The following LUZP2 variants were observed in gnomAD, a reference collection of about 807,000 sequenced individuals.
The protein encoded by LUZP2 is leucine zipper protein 2.
Under a neutral mutation model 51.6 loss-of-function variants are expected in LUZP2, and 52 were observed. The observed-to-expected ratio is 1.01, with a 90% CI of 0.81 to 1.27. The LOEUF (loss-of-function observed/expected upper bound fraction) is 1.27. Ranked by LOEUF, LUZP2 falls within the 50% of genes most tolerant of loss-of-function variation. The probability of loss-of-function intolerance (pLI) is 0.00; values close to 1 mark genes in which losing one functional copy is unlikely to be tolerated. For missense variants in LUZP2, 436 were observed against 395.4 expected (o/e 1.10, Z -0.87); for synonymous variants, 154 against 137.3 (o/e 1.12, Z -0.85).
rs181514094 is a variant in LUZP2 at position 24,701,323 on chromosome 11, C to T, written c.63-27846C>T. ...AGCTGAAAGGGCAGTAAAGGAATAA[C>T]TCAAGAGGAGATCTTCATGATTGTC... On this transcript the variant is annotated intron_variant, in intron 1 of 11. Transcript: ENST00000336930. 4.5e-3 allele frequency: 749 copies of T among 167,180 alleles called. 5 individuals carry two copies. Among genetic ancestry groups the T allele is most frequent in the Middle Eastern group, 0.017 (5 of 296 alleles). 10.4% of individuals were successfully genotyped at this position (167,180 alleles called of 1,614,324 possible).
At chr11:24,800,049 T>C (rs781617541) in intron 5 of LUZP2, among the ~76,000 whole-genome samples, 8 of 150,358 alleles carry the variant, frequency 5.3e-5, no homozygotes, top group Non-Finnish European at 1.0e-4. Context: ...TTTAATTACA[T>C]TTTAGAACAT....
intron 8 of LUZP2, among the ~76,000 whole-genome samples, chr11:24,978,510 C>A: frequency 6.6e-6 from 1 of 151,756 alleles, no homozygotes; most frequent in Middle Eastern, 3.4e-3. Context: ...GAATATTCTT[C>A]GTTATATTAA....
At chr11:24,574,800 C>T (rs941039770) in intron 1 of LUZP2, among the ~76,000 whole-genome samples, 3 of 151,954 alleles carry the variant, frequency 2.0e-5, no homozygotes, top group Non-Finnish European at 4.4e-5. Flanking sequence ...CGATGGCTTC[C>T]AAATTATTTG....
intron 1 of LUZP2, among the ~76,000 whole-genome samples, chr11:24,634,399 T>G (rs1231249793): frequency 6.6e-6 from 1 of 152,008 alleles, no homozygotes; most frequent in African/African-American, 2.4e-5. Context: ...ATCACAGAAT[T>G]GGTCCACATA....
intron 1 of LUZP2, among the ~76,000 whole-genome samples, chr11:24,536,824 G>C (rs1851193791): frequency 6.6e-6 from 1 of 151,828 alleles, no homozygotes; most frequent in East Asian, 1.9e-4. Context: ...CTAGGCTTTT[G>C]ACATGCCTTT....
chr11:24,796,139 A>G (rs1452039155), intron 5 of LUZP2, among the ~76,000 whole-genome samples: 2 of 152,148 alleles, frequency 1.3e-5, no homozygotes, highest in Non-Finnish European at 1.5e-5. Context: ...CTGAAGCACA[A>G]TTTGGTGAAT....
Position 24,983,137 on chromosome 11 carries a change from G to T in LUZP2, c.609G>T (p.Met203Ile). ...CTCTTTTTTTGTAGGAGTCACAGAT[G>T]AAAGCAATGAAAGAGACTGTGCAGC... ...EKAALDRESQ[M>I]KAMKETVQLC... Residue 203 changes from methionine to isoleucine, a missense_variant, in exon 9 of 12, where the codon ATG becomes ATT. Physicochemically the swap from Met to Ile is conservative, Grantham distance 10 (BLOSUM62 1). Transcript: ENST00000336930. 6.2e-7 allele frequency: 1 copy of T among 1,611,074 alleles called. No individual in the cohort carries two copies. Among genetic ancestry groups the T allele is most frequent in the Non-Finnish European group, 8.5e-7 (1 of 1,178,298 alleles).
At chr11:24,558,689 G>A (rs993253471) in intron 1 of LUZP2, among the ~76,000 whole-genome samples, 1 of 152,190 alleles carries the variant, frequency 6.6e-6, no homozygotes, top group African/African-American at 2.4e-5. Context: ...AGTCATGAGA[G>A]CAGAGAACTG....
chr11:24,645,919 T>C (rs1226998104), intron 1 of LUZP2, among the ~76,000 whole-genome samples: 1 of 152,066 alleles, frequency 6.6e-6, no homozygotes, highest in Non-Finnish European at 1.5e-5. Context: ...TTAATCCTTG[T>C]GGAATCAAAT....
At chr11:24,742,092 C>T (rs1272552861) in intron 4 of LUZP2, among the ~76,000 whole-genome samples, 1 of 123,508 alleles carries the variant, frequency 8.1e-6, no homozygotes, top group African/African-American at 3.7e-5. Context: ...TTTCTTTATC[C>T]ACTTGTTGAT....
chr11:24,861,058 T>C (rs918690190), intron 5 of LUZP2, among the ~76,000 whole-genome samples: 3 of 152,188 alleles, frequency 2.0e-5, no homozygotes, highest in Admixed American at 1.3e-4. Flanking sequence ...CTAAGAACTT[T>C]GATAAAAGAT....
At chr11:24,591,110 T>TA (rs1853243809) in intron 1 of LUZP2, among the ~76,000 whole-genome samples, 1 of 151,830 alleles carries the variant, frequency 6.6e-6, no homozygotes, top group Non-Finnish European at 1.5e-5. Flanking sequence ...CCCAATCCCT[T>TA]AAAAAATAGT....
At chr11:24,687,171 G>T (rs548394712) in intron 1 of LUZP2, among the ~76,000 whole-genome samples, 1 of 152,056 alleles carries the variant, frequency 6.6e-6, no homozygotes, top group East Asian at 1.9e-4. Context: ...CTAACATTTT[G>T]ATTTAAAATG....
At chr11:24,779,467 AC>A (rs1477410449) in intron 5 of LUZP2, among the ~76,000 whole-genome samples, 2 of 152,186 alleles carry the variant, frequency 1.3e-5, no homozygotes, top group Non-Finnish European at 2.9e-5. Flanking sequence ...ATCAATACTG[AC>A]CACCACAGTT....
chr11:25,022,500 T>G (rs1363914042), intron 9 of LUZP2, among the ~76,000 whole-genome samples: 1 of 152,142 alleles, frequency 6.6e-6, no homozygotes, highest in African/African-American at 2.4e-5. Context: ...TCAATTGTCC[T>G]TCATCATTTG....
chr11:25,038,308 T>C (rs1021629297), intron 9 of LUZP2, among the ~76,000 whole-genome samples: 19 of 152,172 alleles, frequency 1.2e-4, no homozygotes, highest in Admixed American at 6.6e-5. Flanking sequence ...CTGTTAATAC[T>C]TACAGTTGTA....
intron 1 of LUZP2, among the ~76,000 whole-genome samples, chr11:24,725,029 AT>A: frequency 6.6e-6 from 1 of 152,288 alleles, no homozygotes; most frequent in Non-Finnish European, 1.5e-5. Flanking sequence ...ATTGTTATCT[AT>A]TTCCCTAAAT....
At chr11:24,785,009 G>T (rs1245674490) in intron 5 of LUZP2, among the ~76,000 whole-genome samples, 1 of 151,972 alleles carries the variant, frequency 6.6e-6, no homozygotes, top group African/African-American at 2.4e-5. Flanking sequence ...TAATTCCACA[G>T]ATCTGTGGAA....
At chr11:24,586,203 C>A in intron 1 of LUZP2, among the ~76,000 whole-genome samples, 1 of 152,054 alleles carries the variant, frequency 6.6e-6, no homozygotes, top group East Asian at 1.9e-4. Context: ...TATGTTCAAT[C>A]ATAGTCTGTA....
Sources: gnomAD v4.1 joint callset for allele counts (sites outside exome capture counted in the v4.1 genomes callset) on GRCh38, gnomAD v4.1.1 for gene constraint, MANE v1.5 for transcripts, NCBI Gene and HGNC (gene_info 2026-07-23, HGNC 2026-07-21) for gene names.